Variants in ZIC4 observed in about 807,000 individuals in gnomAD.
The protein encoded by ZIC4 is zinc finger protein ZIC 4.
In ZIC4, 15 loss-of-function variants were observed where a neutral mutation model predicts 28.8. The observed-to-expected ratio is 0.52, with a 90% CI of 0.35 to 0.80. ZIC4 has a LOEUF of 0.80. ZIC4 is among the 30% of genes least tolerant of loss of function. The pLI is 0.01. For missense variants in ZIC4, 512 were observed against 467.1 expected (o/e 1.10, Z -0.89); for synonymous variants, 220 against 198.1 (o/e 1.11, Z -0.93).
rs534597355 is a variant in ZIC4, at chr3:147,387,976, A to G, written c.*883T>C. 1.3e-5 allele frequency: 2 copies of G among 152,112 alleles called. No individual in the cohort carries two copies. The highest frequency in any genetic ancestry group is 2.4e-5 in the African/African-American group (1 of 41,372). The allele number at this position is 152,112 out of a possible 1,614,324, so 9.4% of individuals were successfully genotyped here. A position where few individuals can be genotyped will look rare whatever the true frequency, so the allele number is the denominator to read the frequency against. ...TTCGGAGGCTGCTTTAAAATCTTTC[A>G]CTCCTGATCCTGGAGCCTCTTTGGG... is the stretch of plus-strand genomic sequence containing the variant. On this transcript the variant is annotated 3_prime_UTR_variant, in exon 5 of 5. Coordinates refer to ENST00000383075, the MANE Select transcript of ZIC4 (RefSeq NM_032153.6).
In ZIC4 at chr3:147,396,509, G is replaced by A. The variant is rs780814492; in HGVS notation, c.71-40C>T. 224 of 1,493,044 alleles carry A rather than the reference G, an allele frequency of 1.5e-4. No individual in the cohort carries two copies. The East Asian group carries it at 4.9e-3, about 32-fold the overall frequency. The allele number at this position is 1,493,044 out of a possible 1,614,324, so 92.5% of individuals were successfully genotyped here. A position where few individuals can be genotyped will look rare whatever the true frequency, so the allele number is the denominator to read the frequency against. On this transcript the variant is annotated intron_variant, in intron 2 of 4. Transcript: ENST00000383075. This position sits in a 1 kb window ranked among gnomAD's most constrained non-coding sequence, Gnocchi z 4.2. ...AATAGCGCGCATGAGAACGGGTGGC[G>A]TGGGCTGCGCGCTCTTCCCTGGGCC...
chr3:147,404,176 G>A (rs1187724384), intron 1 of ZIC4: 4 of 1,507,046 alleles, frequency 2.7e-6, no homozygotes, highest in Non-Finnish European at 3.5e-6. Context: ...GGCAATAATA[G>A]AATTTACTCT....
intron 3 of ZIC4, among the ~76,000 whole-genome samples, chr3:147,394,117 C>CT (rs1553766574): frequency 3.5e-4 from 51 of 145,214 alleles, no homozygotes; most frequent in African/African-American, 1.2e-3. Context: ...ATTTTTTTTC[C>CT]CTCTCTCTCT....
At chr3:147,394,635 G>C (rs537519103) in intron 3 of ZIC4, among the ~76,000 whole-genome samples, 2 of 152,200 alleles carry the variant, frequency 1.3e-5, no homozygotes, top group East Asian at 3.9e-4. Flanking sequence ...CCTCTGGTGA[G>C]GGGGTGAGAT....
chr3:147,404,253 A>G (rs2087228063), intron 1 of ZIC4: 9 of 1,437,070 alleles, frequency 6.3e-6, no homozygotes, highest in South Asian at 4.5e-5. Flanking sequence ...GGCAGCCCCA[A>G]CCCAACTTCT....
chr3:147,394,224 G>A lies in ZIC4; in HGVS notation c.688+1628C>T, dbSNP rs1428597254. On this transcript the variant is annotated intron_variant, in intron 3 of 4. Transcript: ENST00000383075. ...AGGCCAGACTCTGTAGTTCGTTGTT[G>A]GTCGTGTTTGTTTGTTTGTTTGTTT... Among the ~76,000 whole-genome samples the A allele has an allele frequency of 3.3e-5, 5 of 151,444 alleles. No homozygotes were observed. The East Asian group carries it at 9.7e-4, about 29-fold the overall frequency.
In ZIC4 at chr3:147,405,151, G is replaced by A. The variant is rs1340186197; in HGVS notation, c.-16+1212C>T. Among the ~76,000 whole-genome samples, 3 of 152,222 alleles carry A rather than the reference G, an allele frequency of 2.0e-5. No individual in the cohort carries two copies. The East Asian group carries it at 5.8e-4, about 29-fold the overall frequency. On this transcript the variant is annotated intron_variant, in intron 1 of 4. Coordinates refer to ENST00000383075, the MANE Select transcript of ZIC4 (RefSeq NM_032153.6). ...TTACTCATTCTCCTGTTCTCTAGAGGGAGAAGCTTGGGTTTCCCAGCTCGG... is the reference window on the plus strand; with the variant it reads ...TTACTCATTCTCCTGTTCTCTAGAGAGAGAAGCTTGGGTTTCCCAGCTCGG...
chr3:147,392,710 C>G (rs1381168085), intron 3 of ZIC4: 1 of 152,506 alleles, frequency 6.6e-6, no homozygotes, highest in South Asian at 2.1e-4. Flanking sequence ...AGCCCCAATT[C>G]CCGAGCCCTG....
intron 2 of ZIC4, among the ~76,000 whole-genome samples, chr3:147,402,326 C>A (rs1576463936): frequency 6.6e-6 from 1 of 152,280 alleles, no homozygotes; most frequent in East Asian, 1.9e-4. Context: ...AAGTCTGCTT[C>A]TTTCATGGAA....
rs760753541 is a variant in ZIC4, at chr3:147,402,700, C to G, written c.70+28G>C. 4 of 1,546,632 alleles carry G rather than the reference C, an allele frequency of 2.6e-6. No individual in the cohort carries two copies. The Admixed American group carries it at 7.6e-5, about 29-fold the overall frequency. ...AGAAGAAGAAAAGAAACCAGCAAAC[C>G]AATATTCAAAGGAGGATTTTAACTT... On this transcript the variant is annotated intron_variant, in intron 2 of 4. Transcript: ENST00000383075.
At chr3:147,399,326 C>T (rs1472819556) in intron 2 of ZIC4, among the ~76,000 whole-genome samples, 1 of 152,204 alleles carries the variant, frequency 6.6e-6, no homozygotes, top group Non-Finnish European at 1.5e-5. Context: ...AAGGTTTACA[C>T]ATCTCAATGA....
At chr3:147,401,253 G>C (rs924093318) in intron 2 of ZIC4, among the ~76,000 whole-genome samples, 8 of 152,078 alleles carry the variant, frequency 5.3e-5, no homozygotes, top group African/African-American at 1.9e-4. Flanking sequence ...ATCTGCCAGA[G>C]CTCCTTAAAT....
chr3:147,404,338 AT>A (rs2087230113), intron 1 of ZIC4: 2 of 1,279,084 alleles, frequency 1.6e-6, no homozygotes, highest in South Asian at 4.5e-5. Flanking sequence ...ATGCAAACAA[AT>A]ATTGCAGAGA....
In ZIC4 at chr3:147,391,017, G is replaced by A. The variant is rs750237984; in HGVS notation, c.918C>T (p.Leu306=). Residue 306 remains leucine, a synonymous_variant, in exon 4 of 5, where the codon CTC becomes CTT. Coordinates refer to ENST00000383075, the MANE Select transcript of ZIC4 (RefSeq NM_032153.6). ...SGYDSATPSA[L]VSPSSDCGHK... ...GGCCGCAGTCCGACGAGGGCGACAC[G>A]AGGGCAGACGGTGTAGCCGAATCGT... is the stretch of plus-strand genomic sequence containing the variant. The A allele has an allele frequency of 6.2e-7, 1 of 1,613,516 alleles. No homozygotes were observed. The highest frequency in any genetic ancestry group is 1.3e-5 in the African/African-American group (1 of 74,942).
chr3:147,388,558 G>A lies in ZIC4; in HGVS notation c.*301C>T. ...CCATTCGCGTGGGTTTTGTTTACCGGAAATTAAATGAAAATGATTTAGTCC... is the reference window on the plus strand; with the variant it reads ...CCATTCGCGTGGGTTTTGTTTACCGAAAATTAAATGAAAATGATTTAGTCC... On this transcript the variant is annotated 3_prime_UTR_variant, in exon 5 of 5. Transcript: ENST00000383075. 2.5e-6 allele frequency: 1 copy of A among 399,696 alleles called. No homozygotes were observed. Among genetic ancestry groups the A allele is most frequent in the Non-Finnish European group, 4.4e-6 (1 of 226,354 alleles). 24.8% of individuals were successfully genotyped at this position (399,696 alleles called of 1,614,324 possible).
At chr3:147,389,841 A>T (rs981289939) in intron 4 of ZIC4, among the ~76,000 whole-genome samples, 1 of 152,086 alleles carries the variant, frequency 6.6e-6, no homozygotes, top group Admixed American at 6.6e-5. Context: ...CACCGAATTG[A>T]CGCAATTCAC....
At chr3:147,402,551 G>A (rs1401253996) in intron 2 of ZIC4, among the ~76,000 whole-genome samples, 177 bp downstream of exon 2, 1 of 151,824 alleles carries the variant, frequency 6.6e-6, no homozygotes, top group African/African-American at 2.4e-5. Context: ...TGATTTGTGT[G>A]CAAATGTATT....
In ZIC4 at chr3:147,393,718, T is replaced by C. The variant is rs939607708; in HGVS notation, c.688+2134A>G. On this transcript the variant is annotated intron_variant, in intron 3 of 4. Coordinates refer to ENST00000383075, the MANE Select transcript of ZIC4 (RefSeq NM_032153.6). ...GCGGTCTCTTTTCCTCTACCTCGGA[T>C]CCCCAGCACTGACTCGCCCTCAGAC... The C allele has an allele frequency of 4.3e-5, 13 of 304,220 alleles. No homozygotes were observed. The Admixed American group carries it at 5.6e-4, about 13-fold the overall frequency. The allele number at this position is 304,220 out of a possible 1,614,324, so 18.8% of individuals were successfully genotyped here. A position where few individuals can be genotyped will look rare whatever the true frequency, so the allele number is the denominator to read the frequency against.
chr3:147,386,653 G>A lies in ZIC4; in HGVS notation c.*2206C>T, dbSNP rs944941083. On this transcript the variant is annotated 3_prime_UTR_variant, in exon 5 of 5. Coordinates refer to ENST00000383075, the MANE Select transcript of ZIC4 (RefSeq NM_032153.6). Reference sequence around the variant, plus strand: ...CAGGAGTTTTGGGGAAACCTGAACTGGGTGAAAGTTTCTTTGCTGGGCACA... The same window carrying A: ...CAGGAGTTTTGGGGAAACCTGAACTAGGTGAAAGTTTCTTTGCTGGGCACA... 6 of 152,258 alleles carry A rather than the reference G, an allele frequency of 3.9e-5. No individual in the cohort carries two copies. Among genetic ancestry groups the A allele is most frequent in the Non-Finnish European group, 8.8e-5 (6 of 68,026 alleles). The allele number at this position is 152,258 out of a possible 1,614,324, so 9.4% of individuals were successfully genotyped here. A position where few individuals can be genotyped will look rare whatever the true frequency, so the allele number is the denominator to read the frequency against.
Sources: gnomAD v4.1 joint callset for allele counts (sites outside exome capture counted in the v4.1 genomes callset) on GRCh38, gnomAD v4.1.1 for gene constraint, Gnocchi (gnomAD v3.1) non-coding constraint, MANE v1.5 for transcripts, NCBI Gene and HGNC (gene_info 2026-07-23, HGNC 2026-07-21) for gene names.